The following GFRA1 variants were observed in gnomAD, a reference collection of about 807,000 sequenced individuals.
The protein encoded by GFRA1 is GDNF family receptor alpha-1.
Under a neutral mutation model 51.6 loss-of-function variants are expected in GFRA1, and 16 were observed. The observed-to-expected ratio is 0.31, with a 90% CI of 0.21 to 0.47. The LOEUF (loss-of-function observed/expected upper bound fraction) is 0.47, where lower values mean the gene tolerates loss of function less well. Among genes scored for constraint, GFRA1 ranks in the 20% least tolerant of loss-of-function variants. GFRA1 has a pLI of 1.00. For missense variants in GFRA1, 530 were observed against 594.3 expected, an observed-to-expected ratio of 0.89 and a Z score of 1.13; for synonymous variants, 270 against 241.3, an observed-to-expected ratio of 1.12 and a Z score of -1.10.
At chr10:116,244,275 TAGAAACTTATCTC>T in intron 4 of GFRA1, among the ~76,000 whole-genome samples, 1 of 134,260 alleles carries the variant, frequency 7.4e-6, no homozygotes, top group Non-Finnish European at 1.6e-5. Context: ...ATAGAAACTA[TAGAAACTTATCTC>T]ATCAAAAAGA....
At chr10:116,104,662 C>A (rs1166216801) in intron 6 of GFRA1, among the ~76,000 whole-genome samples, 2 of 152,182 alleles carry the variant, frequency 1.3e-5, no homozygotes, top group African/African-American at 4.8e-5. Flanking sequence ...GCAGTAGCCC[C>A]CCGAGGGAAG....
chr10:116,117,099 C>T (rs1359351298), intron 6 of GFRA1, among the ~76,000 whole-genome samples: 1 of 152,330 alleles, frequency 6.6e-6, no homozygotes, highest in East Asian at 1.9e-4. Flanking sequence ...TGTGTGGAAG[C>T]AGGGTGACCC....
intron 9 of GFRA1, among the ~76,000 whole-genome samples, chr10:116,082,115 G>T (rs1050361271): frequency 1.3e-5 from 2 of 152,196 alleles, no homozygotes; most frequent in African/African-American, 4.8e-5. Flanking sequence ...GTTAACAACT[G>T]CATCACCTCT....
intron 5 of GFRA1, among the ~76,000 whole-genome samples, chr10:116,162,778 T>C (rs1319490498): frequency 1.3e-5 from 2 of 152,178 alleles, no homozygotes; most frequent in African/African-American, 4.8e-5. Context: ...TTCTATGGTA[T>C]GTAGATGATA....
intron 6 of GFRA1, among the ~76,000 whole-genome samples, chr10:116,117,240 CT>C (rs1242958973): frequency 6.6e-6 from 1 of 152,058 alleles, no homozygotes; most frequent in African/African-American, 2.4e-5. Context: ...GTTTTGTTTT[CT>C]TTTTTTACTT....
intron 9 of GFRA1, among the ~76,000 whole-genome samples, chr10:116,070,733 C>T (rs534323021): frequency 5.2e-4 from 76 of 147,386 alleles, no homozygotes; most frequent in Non-Finnish European, 9.6e-4. Flanking sequence ...AGCTAAGTAA[C>T]GGTGGCCCAC....
chr10:116,213,216 C>A (rs772237992), intron 4 of GFRA1, among the ~76,000 whole-genome samples: 1 of 152,196 alleles, frequency 6.6e-6, no homozygotes, highest in Non-Finnish European at 1.5e-5. Flanking sequence ...CACGAATGTT[C>A]ATCATAGCAT....
chr10:116,087,116 T>C (rs1956133261), intron 9 of GFRA1, among the ~76,000 whole-genome samples: 1 of 152,222 alleles, frequency 6.6e-6, no homozygotes, highest in South Asian at 2.1e-4. Context: ...ACATGGTTTC[T>C]GGGGAATAGA....
chr10:116,195,046 A>G (rs993506256), intron 5 of GFRA1, among the ~76,000 whole-genome samples: 8 of 152,208 alleles, frequency 5.3e-5, no homozygotes, highest in Admixed American at 3.9e-4. Flanking sequence ...ATGTAAATGA[A>G]TGGGTGTGGC....
At chr10:116,107,473 C>T (rs1957049471) in intron 6 of GFRA1, among the ~76,000 whole-genome samples, 1 of 152,190 alleles carries the variant, frequency 6.6e-6, no homozygotes, top group Non-Finnish European at 1.5e-5. Context: ...TGATGAATAT[C>T]AGCTTTATTC....
intron 9 of GFRA1, among the ~76,000 whole-genome samples, chr10:116,080,262 C>A (rs112656584): frequency 6.6e-6 from 1 of 152,100 alleles, no homozygotes; most frequent in African/African-American, 2.4e-5. Flanking sequence ...GTCATCTGCA[C>A]GTTAAAGATG....
chr10:116,235,837 G>A (rs1589896873), intron 4 of GFRA1, among the ~76,000 whole-genome samples: 2 of 152,318 alleles, frequency 1.3e-5, no homozygotes, highest in Middle Eastern at 3.4e-3. Flanking sequence ...GGTCATGTGA[G>A]CACACAGCAA....
At chr10:116,183,558 A>G (rs1421742164) in intron 5 of GFRA1, among the ~76,000 whole-genome samples, 1 of 152,300 alleles carries the variant, frequency 6.6e-6, no homozygotes, top group Admixed American at 6.5e-5. Context: ...GCAGAGCCTG[A>G]TGGATGAAGA....
At chr10:116,254,591 G>A (rs1163048455) in intron 4 of GFRA1, among the ~76,000 whole-genome samples, 1 of 152,038 alleles carries the variant, frequency 6.6e-6, no homozygotes, top group East Asian at 1.9e-4. Context: ...CACAATTAAT[G>A]TCCTTTGACA....
At chr10:116,174,297 T>C (rs1446838317) in intron 5 of GFRA1, among the ~76,000 whole-genome samples, 11 of 152,228 alleles carry the variant, frequency 7.2e-5, no homozygotes, top group Non-Finnish European at 1.3e-4. Context: ...TATGTCTATA[T>C]TTCAGAAAAG....
At chr10:116,185,953 T>TAC (rs1461999815) in intron 5 of GFRA1, among the ~76,000 whole-genome samples, 4 of 152,242 alleles carry the variant, frequency 2.6e-5, no homozygotes, top group African/African-American at 9.6e-5. Context: ...GAGTCTGGTA[T>TAC]ACCTCCAGGA....
At chr10:116,259,489 G>A (rs1969139677) in intron 4 of GFRA1, among the ~76,000 whole-genome samples, 1 of 152,168 alleles carries the variant, frequency 6.6e-6, no homozygotes, top group Admixed American at 6.5e-5. Flanking sequence ...CAGTTCTGCA[G>A]GAATGGTTTT....
At chr10:116,197,076 T>C (rs1963942685) in intron 5 of GFRA1, among the ~76,000 whole-genome samples, 1 of 151,866 alleles carries the variant, frequency 6.6e-6, no homozygotes, top group South Asian at 2.1e-4. Context: ...CTATCCTAAA[T>C]CCTGGATGAT....
intron 6 of GFRA1, among the ~76,000 whole-genome samples, chr10:116,098,112 G>A (rs1360893252): frequency 2.6e-5 from 4 of 152,184 alleles, no homozygotes; most frequent in South Asian, 2.1e-4. Context: ...TCTATGTTCT[G>A]GGGACCTGAC....
Sources: gnomAD v4.1 joint callset for allele counts (sites outside exome capture counted in the v4.1 genomes callset) on GRCh38, gnomAD v4.1.1 for gene constraint, MANE v1.5 for transcripts, NCBI Gene and HGNC (gene_info 2026-07-23, HGNC 2026-07-21) for gene names.